Variants in TTC23 observed in about 807,000 individuals in gnomAD.
The protein encoded by TTC23 is tetratricopeptide repeat protein 23.
TTC23 carries 58 observed loss-of-function variants against 55.1 expected under a neutral mutation model. The ratio of observed to expected loss-of-function variants is 1.05; its 90% CI spans 0.85 to 1.31. TTC23 has a LOEUF of 1.31. Among genes scored for constraint, TTC23 ranks in the 50% most tolerant of loss-of-function variants. The pLI, the probability that TTC23 is intolerant of heterozygous loss-of-function variation, is 0.00. For missense variants in TTC23, 516 were observed against 534.4 expected (o/e 0.97, Z 0.34); for synonymous variants, 203 against 199.9 (o/e 1.02, Z -0.13).
At position 99,175,090 on chromosome 15, in the gene TTC23, G is replaced by A. The variant is rs779758507; in HGVS notation, c.825C>T (p.Val275=). The change falls in exon 10 of 14, where the codon GTC becomes GTT. Residue 275 remains valine, a synonymous_variant. Coordinates refer to ENST00000394132, the MANE Select transcript of TTC23 (RefSeq NM_001288615.3). ...QVEAADSAHI[V]AHAAVASGRH... Reference sequence around the variant, plus strand: ...TCCCTGAAGCGACAGCAGCATGGGCGACGATGTGTGCCGAGTCTGCTGCCT... The same window carrying A: ...TCCCTGAAGCGACAGCAGCATGGGCAACGATGTGTGCCGAGTCTGCTGCCT... 1.1e-5 allele frequency: 17 copies of A among 1,614,076 alleles called. No homozygotes were observed. Among genetic ancestry groups the A allele is most frequent in the Admixed American group, 1.7e-5 (1 of 60,016 alleles).
At chr15:99,147,324 C>G (rs372098031) in intron 12 of TTC23, among the ~76,000 whole-genome samples, 2,558 of 150,366 alleles carry the variant, frequency 0.017, 85 homozygotes, top group African/African-American at 0.059. Context: ...CTCCCAGGTT[C>G]ACGCCATTCT....
intron 4 of TTC23, among the ~76,000 whole-genome samples, chr15:99,229,339 C>T (rs1187439679): frequency 6.6e-6 from 1 of 152,144 alleles, no homozygotes. Flanking sequence ...CCAAAACAAA[C>T]AGATAAGCAG....
chr15:99,142,006 A>AC (rs1354422991), intron 12 of TTC23, among the ~76,000 whole-genome samples: 64 of 152,144 alleles, frequency 4.2e-4, no homozygotes, highest in African/African-American at 1.3e-3. Context: ...CTGCACGGGG[A>AC]CCTTGGCCTG....
At chr15:99,212,260 A>ATGTGTGTGTGTGTGTGTGTG (rs35709919) in intron 8 of TTC23, among the ~76,000 whole-genome samples, 14 of 146,516 alleles carry the variant, frequency 9.6e-5, no homozygotes, top group Admixed American at 1.4e-4. Context: ...TTAAAGAGGG[A>ATGTGTGTGTGTGTGTGTGTG]TGTGTGTGTG....
chr15:99,216,449 A>G (rs976436850), intron 8 of TTC23, among the ~76,000 whole-genome samples: 8 of 152,126 alleles, frequency 5.3e-5, no homozygotes, highest in African/African-American at 7.2e-5. Context: ...CATAGACAAA[A>G]TTAATAAGCG....
At chr15:99,207,565 G>C (rs1034114926) in intron 8 of TTC23, among the ~76,000 whole-genome samples, 1 of 152,158 alleles carries the variant, frequency 6.6e-6, no homozygotes, top group African/African-American at 2.4e-5. Flanking sequence ...TTCAAGACCA[G>C]CCTGGCCACG....
intron 8 of TTC23, among the ~76,000 whole-genome samples, chr15:99,215,590 C>T (rs1164731014): frequency 6.6e-6 from 1 of 151,846 alleles, no homozygotes; most frequent in South Asian, 2.1e-4. Flanking sequence ...ACAAAAAATA[C>T]AAAAAGTTAG....
chr15:99,172,749 C>A (rs367845949), intron 10 of TTC23, among the ~76,000 whole-genome samples: 1 of 152,120 alleles, frequency 6.6e-6, no homozygotes. Context: ...CATATATAAG[C>A]GGTAGCTATT....
intron 8 of TTC23, among the ~76,000 whole-genome samples, chr15:99,209,634 G>A (rs1037528988): frequency 6.6e-6 from 1 of 152,192 alleles, no homozygotes; most frequent in Non-Finnish European, 1.5e-5. Context: ...ACTACACAGA[G>A]AGGACTAAGA....
chr15:99,232,522 A>G (rs2079016183), intron 4 of TTC23, among the ~76,000 whole-genome samples: 1 of 152,108 alleles, frequency 6.6e-6, no homozygotes, highest in Admixed American at 6.6e-5. Context: ...ATATTCCTCA[A>G]AAGATATACA....
At chr15:99,204,639 T>TTTTTTTG (rs2152006271) in intron 8 of TTC23, among the ~76,000 whole-genome samples, 1 of 126,810 alleles carries the variant, frequency 7.9e-6, no homozygotes, top group Admixed American at 7.9e-5. Context: ...AAGGTTTTTT[T>TTTTTTTG]TTTTTTTTTT....
intron 11 of TTC23, among the ~76,000 whole-genome samples, chr15:99,156,549 G>A (rs2070605014): frequency 6.6e-6 from 1 of 152,184 alleles, no homozygotes; most frequent in South Asian, 2.1e-4. Flanking sequence ...CATGGCAGAG[G>A]GCACCTCTTT....
chr15:99,233,372 T>A (rs551545050), intron 4 of TTC23, among the ~76,000 whole-genome samples: 80 of 152,270 alleles, frequency 5.3e-4, no homozygotes, highest in African/African-American at 1.9e-3. Context: ...CTACAAATAC[T>A]AAAAGGTTAA....
At chr15:99,247,795 G>GGATGATGAAAATTTTCTAAATTTTCTAC (rs2080384103) in intron 1 of TTC23, among the ~76,000 whole-genome samples, 3 of 150,984 alleles carry the variant, frequency 2.0e-5, no homozygotes, top group Admixed American at 2.0e-4. Context: ...AAATTTTCTA[G>GGATGATGAAAATTTTCTAAATTTTCTAC]GATGATGAAA....
chr15:99,147,312 G>A lies in TTC23; in HGVS notation c.1144-7913C>T, dbSNP rs1035490013. On this transcript the variant is annotated intron_variant, in intron 12 of 13. Transcript: ENST00000394132. ...GCGATCTCAGCTCACTGCAAGCTCC[G>A]CCTCCCAGGTTCACGCCATTCTCCT... Among the ~76,000 whole-genome samples, 12 of 142,624 alleles carry A rather than the reference G, an allele frequency of 8.4e-5. No individual in the cohort carries two copies. The East Asian group carries it at 8.4e-4, about 10-fold the overall frequency. 93.6% of individuals were successfully genotyped at this position (142,624 alleles called of 152,430 possible).
At chr15:99,235,206 C>G (rs1180883548) in intron 3 of TTC23, 126 bp from the exon 4 acceptor site, 1 of 152,046 alleles carries the variant, frequency 6.6e-6, no homozygotes, top group Non-Finnish European at 1.5e-5. Flanking sequence ...CAAGATCACA[C>G]CATTGAACCC....
At chr15:99,145,688 GTC>G (rs781828781) in intron 12 of TTC23, among the ~76,000 whole-genome samples, 2 of 152,016 alleles carry the variant, frequency 1.3e-5, no homozygotes, top group Non-Finnish European at 2.9e-5. Flanking sequence ...CTCTGTCTCT[GTC>G]TCTCTCTCTT....
At chr15:99,200,121 T>C (rs753005222) in intron 8 of TTC23, 25 bp from the exon 9 acceptor site, 1 of 1,524,394 alleles carries the variant, frequency 6.6e-7, no homozygotes, top group East Asian at 2.4e-5. Context: ...GGAATTATTT[T>C]ATTTAATAAT....
intron 11 of TTC23, chr15:99,159,893 G>C (rs1049157472): frequency 6.6e-6 from 1 of 152,454 alleles, no homozygotes; most frequent in Admixed American, 6.5e-5. Context: ...AAGAGATGAT[G>C]AGTGGCAGGA....
Sources: allele counts gnomAD v4.1 joint callset (sites outside exome capture counted in the v4.1 genomes callset), GRCh38; gene constraint gnomAD v4.1.1; transcripts MANE v1.5; gene names NCBI Gene and HGNC (gene_info 2026-07-23, HGNC 2026-07-21).